Variants in ABHD17C observed in about 807,000 individuals in gnomAD.
ABHD17C encodes alpha/beta hydrolase domain-containing protein 17C.
Under a neutral mutation model 27.9 loss-of-function variants are expected in ABHD17C, and 11 were observed. The observed-to-expected ratio is 0.39, with a 90% CI of 0.25 to 0.65. ABHD17C has a LOEUF of 0.65. ABHD17C is among the 30% of genes least tolerant of loss of function. The probability of loss-of-function intolerance (pLI) is 0.45; values close to 1 mark genes in which losing one functional copy is unlikely to be tolerated. For missense variants in ABHD17C, 280 were observed against 470.2 expected, an observed-to-expected ratio of 0.60 and a Z score of 3.74; for synonymous variants, 233 against 209.1, an observed-to-expected ratio of 1.11 and a Z score of -0.98.
intron 1 of ABHD17C, among the ~76,000 whole-genome samples, chr15:80,746,248 T>G (rs376415447): frequency 6.6e-6 from 1 of 152,282 alleles, no homozygotes; most frequent in East Asian, 1.9e-4. Flanking sequence ...CCCTCTTTTT[T>G]TCTTATTTTG....
intron 1 of ABHD17C, among the ~76,000 whole-genome samples, chr15:80,738,504 C>G (rs1324473274): frequency 2.0e-5 from 3 of 152,178 alleles, no homozygotes; most frequent in African/African-American, 7.2e-5. Flanking sequence ...CCAAAAGATG[C>G]TGCCATTTGT....
intron 1 of ABHD17C, among the ~76,000 whole-genome samples, chr15:80,712,983 C>T (rs1283701281): frequency 2.0e-5 from 3 of 152,062 alleles, no homozygotes; most frequent in Non-Finnish European, 2.9e-5. Context: ...AATTCCATGG[C>T]GGTCTCATCA....
intron 1 of ABHD17C, among the ~76,000 whole-genome samples, chr15:80,748,944 A>G (rs1029921852): frequency 9.2e-5 from 14 of 152,008 alleles, no homozygotes; most frequent in African/African-American, 3.1e-4. Flanking sequence ...TTTGAAGAGA[A>G]TGGATTGGAA....
At chr15:80,751,943 G>A (rs1895371342) in intron 2 of ABHD17C, among the ~76,000 whole-genome samples, 1 of 152,210 alleles carries the variant, frequency 6.6e-6, no homozygotes, top group African/African-American at 2.4e-5. Flanking sequence ...AATCATCTGT[G>A]TCCCTCTCCT....
intron 1 of ABHD17C, among the ~76,000 whole-genome samples, chr15:80,715,287 TTA>T (rs2141498738): frequency 6.6e-6 from 1 of 152,342 alleles, no homozygotes; most frequent in Non-Finnish European, 1.5e-5. Flanking sequence ...TTACCATTTT[TTA>T]TGTTGATTCT....
At position 80,749,523 on chromosome 15, in the gene ABHD17C, A is replaced by T; in HGVS notation, c.601A>T (p.Ser201Cys). The T allele has an allele frequency of 6.2e-7, 1 of 1,613,712 alleles. No individual in the cohort carries two copies. The highest frequency in any genetic ancestry group is 8.5e-7 in the Non-Finnish European group (1 of 1,179,770). The stretch of plus-strand genomic sequence containing the variant: ...CTCTGATTTCTCCAGGTATGGCGTG[A>T]GTCCCGAGAACATTATCCTCTATGG... ...WQALRTRYGVSPENIILYGQS... is the reference protein window; with the variant it reads ...WQALRTRYGVCPENIILYGQS... The change falls in exon 2 of 3, where the codon AGT (serine) becomes TGT (cysteine). Residue 201 changes from serine (S) to cysteine (C), a missense_variant. Ser to Cys is a moderately radical substitution (Grantham distance 112). Coordinates refer to ENST00000258884, the MANE Select transcript of ABHD17C (RefSeq NM_021214.2).
chr15:80,719,236 A>G (rs1318282262), intron 1 of ABHD17C, among the ~76,000 whole-genome samples: 2 of 152,220 alleles, frequency 1.3e-5, no homozygotes, highest in Admixed American at 1.3e-4. Flanking sequence ...TTAGACAGTT[A>G]TTTGTTGACT....
chr15:80,720,351 CTAGAGGAAGTTTGTAA>C (rs1297361702), intron 1 of ABHD17C, among the ~76,000 whole-genome samples: 1 of 151,712 alleles, frequency 6.6e-6, no homozygotes, highest in Non-Finnish European at 1.5e-5. Context: ...TCTAGTTTTG[CTAGAGGAAGTTTGTAA>C]TATCTTCAAA....
At chr15:80,740,654 G>A (rs754038013) in intron 1 of ABHD17C, among the ~76,000 whole-genome samples, 12 of 152,062 alleles carry the variant, frequency 7.9e-5, no homozygotes, top group Non-Finnish European at 1.3e-4. Context: ...TTCTTCTACC[G>A]CCTCAGCATT....
At chr15:80,697,626 CTT>C (rs35478204) in intron 1 of ABHD17C, among the ~76,000 whole-genome samples, 1 of 145,888 alleles carries the variant, frequency 6.9e-6, no homozygotes, top group Non-Finnish European at 1.5e-5. Context: ...TTCCTGGAAA[CTT>C]TTTTTTTTTT....
Position 80,695,774 on chromosome 15 carries a change from C to A in ABHD17C, c.345C>A (p.Ala115=). 1 of 1,544,312 alleles carries A rather than the reference C, an allele frequency of 6.5e-7. No individual in the cohort carries two copies. Among genetic ancestry groups the A allele is most frequent in the Non-Finnish European group, 8.7e-7 (1 of 1,152,058 alleles). Residue 115 remains alanine, a synonymous_variant, in exon 1 of 3, where the codon GCC becomes GCA. Transcript: ENST00000258884. The surrounding 1 kb of genome is among the most constrained non-coding windows in gnomAD (Gnocchi z 4.3). ...TCGAGGTCTTCTTCTCGCGCACGGCCCGGGACAACCGGCTCGGCTGCATGT... is the reference window on the plus strand; with the variant it reads ...TCGAGGTCTTCTTCTCGCGCACGGCACGGGACAACCGGCTCGGCTGCATGT... The part of the protein sequence containing the change: ...DAVEVFFSRT[A]RDNRLGCMFV...
intron 1 of ABHD17C, among the ~76,000 whole-genome samples, chr15:80,700,674 G>A (rs1894559130): frequency 6.6e-6 from 1 of 152,132 alleles, no homozygotes; most frequent in Admixed American, 6.5e-5. Context: ...TAGGCAGGAG[G>A]ATCACTTGAG....
At chr15:80,727,164 C>A (rs1894992272) in intron 1 of ABHD17C, among the ~76,000 whole-genome samples, 1 of 152,212 alleles carries the variant, frequency 6.6e-6, no homozygotes, top group Non-Finnish European at 1.5e-5. Flanking sequence ...ACCTTGATGT[C>A]TTTTCCGTGC....
At position 80,717,097 on chromosome 15, in the gene ABHD17C, C is replaced by T. The variant is rs1894813196; in HGVS notation, c.590+21078C>T. Among the ~76,000 whole-genome samples the T allele has an allele frequency of 6.6e-5, 10 of 152,260 alleles. No individual in the cohort carries two copies. In the South Asian group the frequency reaches 2.1e-3, roughly 32 times the overall value. On this transcript the variant is annotated intron_variant, in intron 1 of 2. Coordinates refer to ENST00000258884, the MANE Select transcript of ABHD17C (RefSeq NM_021214.2). ...GAAGATTCCATTCATTGAAAGCTTA[C>T]TTAAAAATATTTCCCTAGTTATATT...
At chr15:80,710,315 G>A (rs1010562129) in intron 1 of ABHD17C, among the ~76,000 whole-genome samples, 6 of 152,196 alleles carry the variant, frequency 3.9e-5, no homozygotes, top group African/African-American at 1.4e-4. Context: ...AACTGGGGAG[G>A]GGTGAGGGCA....
chr15:80,713,354 CTTTTTTTTTTTT>C lies in ABHD17C; in HGVS notation c.590+17352_590+17363del, dbSNP rs67320992. On this transcript the variant is annotated intron_variant, in intron 1 of 2. Coordinates refer to ENST00000258884, the MANE Select transcript of ABHD17C (RefSeq NM_021214.2). ...GAAGGAAAGCCACTGAGGTCTTGTTCTTTTTTTTTTTTTTTTTTTTTTTTTTTTCAAAATCAG... is the reference window on the plus strand; with the variant it reads ...GAAGGAAAGCCACTGAGGTCTTGTTCTTTTTTTTTTTTTTTTCAAAATCAG... 2.3e-3 allele frequency among the ~76,000 whole-genome samples: 99 copies of C among 43,846 alleles called. 2 individuals are homozygous for C. Among genetic ancestry groups the C allele is most frequent in the African/African-American group, 5.9e-3 (59 of 10,046 alleles). 28.8% of individuals were successfully genotyped at this position (43,846 alleles called of 152,430 possible). A position where few individuals can be genotyped will look rare whatever the true frequency, so the allele number is the denominator to read the frequency against.
intron 1 of ABHD17C, among the ~76,000 whole-genome samples, chr15:80,730,032 C>T (rs1330600316): frequency 6.6e-6 from 1 of 152,034 alleles, no homozygotes; most frequent in Non-Finnish European, 1.5e-5. Flanking sequence ...GACAGGAGAA[C>T]CACGTGAACC....
rs568134107 is a variant in ABHD17C at position 80,717,799 on chromosome 15, C to T, written c.590+21780C>T. Reference sequence around the variant, plus strand: ...TTAGGATTGAACCAGAGTAGGAAGCCGAACCTTCTCCCCTGGACTAGGTTC... The same window carrying T: ...TTAGGATTGAACCAGAGTAGGAAGCTGAACCTTCTCCCCTGGACTAGGTTC... On this transcript the variant is annotated intron_variant, in intron 1 of 2. Transcript: ENST00000258884. 2.6e-5 allele frequency among the ~76,000 whole-genome samples: 4 copies of T among 152,152 alleles called. No individual in the cohort carries two copies. In the East Asian group the frequency reaches 5.8e-4, roughly 22 times the overall value.
At chr15:80,722,235 A>G (rs537102289) in intron 1 of ABHD17C, among the ~76,000 whole-genome samples, 1 of 147,718 alleles carries the variant, frequency 6.8e-6, no homozygotes, top group South Asian at 2.2e-4. Context: ...TCTAATTTTT[A>G]TGCTGCTTTT....
Sources: gnomAD v4.1 joint callset for allele counts (sites outside exome capture counted in the v4.1 genomes callset) on GRCh38, gnomAD v4.1.1 for gene constraint, Gnocchi (gnomAD v3.1) non-coding constraint, MANE v1.5 for transcripts, NCBI Gene and HGNC (gene_info 2026-07-23, HGNC 2026-07-21) for gene names.